KAZN: variants seen among roughly 807,000 people sequenced by gnomAD.
KAZN encodes kazrin.
A neutral mutation model predicts 87.4 loss-of-function variants in KAZN; 40 were observed. The ratio of observed to expected loss-of-function variants is 0.46; its 90% CI spans 0.36 to 0.60. The LOEUF (loss-of-function observed/expected upper bound fraction) is 0.60, where lower values mean the gene tolerates loss of function less well. Ranked by LOEUF, KAZN falls within the 20% of genes least tolerant of loss-of-function variation. The pLI is 0.00. For missense variants in KAZN, 898 were observed against 1,073.9 expected, an observed-to-expected ratio of 0.84 and a Z score of 2.29; for synonymous variants, 466 against 458.3, an observed-to-expected ratio of 1.02 and a Z score of -0.22.
chr1:14,739,873 T>C (rs982369995), intron 1 of KAZN, among the ~76,000 whole-genome samples: 2 of 152,164 alleles, frequency 1.3e-5, no homozygotes, highest in African/African-American at 4.8e-5. Context: ...GGTTTGTATC[T>C]GCTCTGGGAT....
intron 1 of KAZN, among the ~76,000 whole-genome samples, chr1:14,811,835 G>A (rs992795651): frequency 7.2e-5 from 11 of 152,116 alleles, no homozygotes; most frequent in Non-Finnish European, 1.2e-4. Flanking sequence ...CCTGTTGCAC[G>A]GGGGAAATGA....
chr1:15,015,698 G>C (rs963916253), intron 2 of KAZN, among the ~76,000 whole-genome samples: 10 of 152,158 alleles, frequency 6.6e-5, no homozygotes, highest in Non-Finnish European at 1.3e-4. Context: ...TTCTGGGTCT[G>C]CTCCACAGGT....
At chr1:14,389,849 TAA>T (rs1265038110) in intron 2 of KAZN, among the ~76,000 whole-genome samples, 1 of 151,500 alleles carries the variant, frequency 6.6e-6, no homozygotes, top group Non-Finnish European at 1.5e-5. Context: ...TAAAAATAAC[TAA>T]AAGAGTAAAA....
chr1:14,067,888 C>G (rs1643073202), intron 1 of KAZN, among the ~76,000 whole-genome samples: 1 of 152,210 alleles, frequency 6.6e-6, no homozygotes, highest in African/African-American at 2.4e-5. Context: ...TGGCTCCCAG[C>G]ATTGTCCTCA....
chr1:14,925,251 C>A (rs1032093522), intron 1 of KAZN, among the ~76,000 whole-genome samples: 14 of 152,176 alleles, frequency 9.2e-5, no homozygotes, highest in Non-Finnish European at 1.5e-4. Flanking sequence ...CCCCTTCCCC[C>A]CAAGTTAGGG....
At chr1:14,051,973 G>C (rs1456222631) in intron 1 of KAZN, among the ~76,000 whole-genome samples, 2 of 152,226 alleles carry the variant, frequency 1.3e-5, no homozygotes, top group Admixed American at 1.3e-4. Context: ...ACTGTGGACA[G>C]TTGCTAGTAT....
At chr1:14,129,826 T>A (rs983303541) in intron 1 of KAZN, among the ~76,000 whole-genome samples, 1 of 152,218 alleles carries the variant, frequency 6.6e-6, no homozygotes, top group Non-Finnish European at 1.5e-5. Flanking sequence ...TATCCATTTG[T>A]GAGTTTACTG....
At chr1:14,473,179 A>G (rs1668542829) in intron 2 of KAZN, among the ~76,000 whole-genome samples, 1 of 152,256 alleles carries the variant, frequency 6.6e-6, no homozygotes, top group Non-Finnish European at 1.5e-5. Flanking sequence ...GCTGCAAAAT[A>G]AAATACAGGA....
intron 13 of KAZN, 83 bp downstream of exon 13, chr1:15,104,272 C>G: frequency 7.6e-7 from 1 of 1,315,142 alleles, no homozygotes; most frequent in Non-Finnish European, 1.0e-6. Flanking sequence ...TCCAGCTCCC[C>G]ATCCTGGCCC....
intron 1 of KAZN, among the ~76,000 whole-genome samples, chr1:14,088,952 C>T (rs1227013310): frequency 1.4e-5 from 2 of 141,248 alleles, no homozygotes; most frequent in Non-Finnish European, 1.5e-5. Context: ...TACCATCATT[C>T]TAATTTTTTT....
intron 2 of KAZN, among the ~76,000 whole-genome samples, chr1:14,341,588 C>T (rs1393142226): frequency 6.6e-6 from 1 of 152,190 alleles, no homozygotes; most frequent in Non-Finnish European, 1.5e-5. Flanking sequence ...ACAGACTGCT[C>T]TCTCCACCCT....
intron 4 of KAZN, among the ~76,000 whole-genome samples, chr1:15,045,697 A>T (rs1412600907): frequency 6.6e-6 from 1 of 152,230 alleles, no homozygotes; most frequent in African/African-American, 2.4e-5. Flanking sequence ...ATGGCTGGGG[A>T]TGCCTCAGAA....
chr1:14,765,658 G>C (rs147882768), intron 1 of KAZN, among the ~76,000 whole-genome samples: 132 of 152,270 alleles, frequency 8.7e-4, no homozygotes, highest in African/African-American at 3.0e-3. Flanking sequence ...AAGGAGTGTT[G>C]GTAGAAAGAG....
chr1:14,005,793 A>G (rs1640010834), intron 1 of KAZN, among the ~76,000 whole-genome samples: 1 of 152,166 alleles, frequency 6.6e-6, no homozygotes, highest in South Asian at 2.1e-4. Context: ...TCAGATTCAG[A>G]TCTTCTGACT....
At chr1:14,642,581 A>G (rs2148678031) in intron 1 of KAZN, among the ~76,000 whole-genome samples, 1 of 152,270 alleles carries the variant, frequency 6.6e-6, no homozygotes, top group East Asian at 1.9e-4. Context: ...GAGATGTGTT[A>G]AAGGATACAG....
chr1:14,434,740 C>A (rs937168798), intron 2 of KAZN, among the ~76,000 whole-genome samples: 2 of 152,068 alleles, frequency 1.3e-5, no homozygotes, highest in African/African-American at 4.8e-5. Flanking sequence ...GGAACATGTG[C>A]TGGGACCCCA....
chr1:14,960,856 A>G lies in KAZN; in HGVS notation c.399A>G (p.Arg133=). ...QLAQKEQELA[R]AKEALQAMKA... is the part of the protein sequence containing the mutation. ...CCCAGAAGGAGCAGGAGCTAGCCAG[A>G]GCCAAAGAAGCCTTGCAGGGTGAGT... The change falls in exon 2 of 15, where the codon AGA becomes AGG. Residue 133 remains arginine (R), a synonymous_variant. Transcript: ENST00000376030. The G allele has an allele frequency of 6.2e-7, 1 of 1,607,374 alleles. No homozygotes were observed. Among genetic ancestry groups the G allele is most frequent in the Non-Finnish European group, 8.5e-7 (1 of 1,176,452 alleles).
At chr1:15,042,497 C>G (rs903300040) in intron 3 of KAZN, among the ~76,000 whole-genome samples, 3 of 152,128 alleles carry the variant, frequency 2.0e-5, no homozygotes, top group African/African-American at 7.2e-5. Context: ...CTGAGTGAGG[C>G]GAGCAGGTGC....
At chr1:14,792,094 G>T (rs1327833493) in intron 1 of KAZN, among the ~76,000 whole-genome samples, 1 of 152,224 alleles carries the variant, frequency 6.6e-6, no homozygotes, top group Admixed American at 6.5e-5. Flanking sequence ...GCTGATGTCA[G>T]ATGGAAGACT....
Sources: allele counts gnomAD v4.1 joint callset (sites outside exome capture counted in the v4.1 genomes callset), GRCh38; gene constraint gnomAD v4.1.1; transcripts MANE v1.5; gene names NCBI Gene and HGNC (gene_info 2026-07-23, HGNC 2026-07-21).